Variants in RNASE4 observed in about 807,000 individuals in gnomAD.
RNASE4 encodes ribonuclease A family member 4, also known as ribonuclease 4.
For missense variants in RNASE4, 194 were observed against 192.8 expected (o/e 1.01, Z -0.04); for synonymous variants, 93 against 71.4 (o/e 1.30, Z -1.52).
chr14:20,690,653 T>C (rs184046218), intron 1 of RNASE4, among the ~76,000 whole-genome samples: 2 of 152,312 alleles, frequency 1.3e-5, no homozygotes, highest in Admixed American at 1.3e-4. Context: ...ACCTTTGCTA[T>C]TGAAACTAGC....
chr14:20,697,141 A>G, intron 1 of RNASE4, among the ~76,000 whole-genome samples: 1 of 152,248 alleles, frequency 6.6e-6, no homozygotes, highest in East Asian at 1.9e-4. Flanking sequence ...AGTAGTGCAG[A>G]AAAGCTGACG....
intron 1 of RNASE4, among the ~76,000 whole-genome samples, chr14:20,688,031 C>T (rs768084450): frequency 4.6e-5 from 7 of 152,188 alleles, no homozygotes; most frequent in Admixed American, 6.5e-5. Flanking sequence ...ACTGTTTTTA[C>T]GCAAGCAATG....
intron 1 of RNASE4, 129 bp from the exon 2 acceptor site, chr14:20,699,226 G>A (rs2139038095): frequency 1.4e-6 from 1 of 711,936 alleles, no homozygotes; most frequent in South Asian, 2.0e-5. Context: ...AGATGAGTGG[G>A]GAGATGGTGC....
chr14:20,692,933 C>T (rs1212442329), intron 1 of RNASE4, among the ~76,000 whole-genome samples: 1 of 152,194 alleles, frequency 6.6e-6, no homozygotes, highest in Non-Finnish European at 1.5e-5. Flanking sequence ...CTGCAAGCTC[C>T]GCCTCCCGGG....
At chr14:20,694,977 A>G (rs1887031406) in intron 1 of RNASE4, among the ~76,000 whole-genome samples, 1 of 152,212 alleles carries the variant, frequency 6.6e-6, no homozygotes, top group Non-Finnish European at 1.5e-5. Flanking sequence ...GTTTGAATGG[A>G]ATGCTCCCAG....
chr14:20,695,401 A>G (rs1475361311), intron 1 of RNASE4, among the ~76,000 whole-genome samples: 1 of 151,982 alleles, frequency 6.6e-6, no homozygotes, highest in East Asian at 1.9e-4. Context: ...TCTCAAAAAA[A>G]AAAAAAAAAG....
chr14:20,699,682 T>G lies in RNASE4; in HGVS notation c.311T>G (p.Val104Gly), dbSNP rs781625059. The G allele has an allele frequency of 9.3e-6, 15 of 1,610,342 alleles. No individual in the cohort carries two copies. Among genetic ancestry groups the G allele is most frequent in the Admixed American group, 5.0e-5 (3 of 59,990 alleles). ...NGKMNCHEGV[V>G]KVTDCRDTGS... The stretch of plus-strand genomic sequence containing the variant: ...AAGATGAACTGCCATGAGGGTGTAG[T>G]GAAGGTCACAGATTGCAGGGACACA... The change falls in exon 2 of 2, where the codon GTG becomes GGG. Residue 104 changes from valine (V) to glycine (G), a missense_variant. Coordinates refer to ENST00000555835, the MANE Select transcript of RNASE4 (RefSeq NM_002937.5).
rs1397659536 is a variant in RNASE4 at position 20,694,127 on chromosome 14, C to G, written c.-17-5228C>G. The stretch of plus-strand genomic sequence containing the variant: ...GGCCCAAAGAAAGAGCTACCTGGAC[C>G]TTTTGTTTTCTGTTTGACAACATGT... On this transcript the variant is annotated intron_variant, in intron 1 of 1. Transcript: ENST00000555835. 5 of 1,092,606 alleles carry G rather than the reference C, an allele frequency of 4.6e-6. No individual in the cohort carries two copies. The African/African-American group carries it at 7.8e-5, about 17-fold the overall frequency. 67.7% of individuals were successfully genotyped at this position (1,092,606 alleles called of 1,614,324 possible).
At chr14:20,694,626 C>T (rs1285310065) in intron 1 of RNASE4, among the ~76,000 whole-genome samples, 1 of 152,066 alleles carries the variant, frequency 6.6e-6, no homozygotes, top group Admixed American at 6.5e-5. Flanking sequence ...TCAGTTTTTA[C>T]AAGTCATTAG....
chr14:20,686,193 A>T (rs72659976), intron 1 of RNASE4, among the ~76,000 whole-genome samples: 5,462 of 152,002 alleles, frequency 0.036, 131 homozygotes, highest in Middle Eastern at 0.099. Context: ...GGCCCCTCCC[A>T]CTCTTGTTCT....
chr14:20,690,742 C>CA (rs1886702152), intron 1 of RNASE4, among the ~76,000 whole-genome samples: 1 of 152,090 alleles, frequency 6.6e-6, no homozygotes, highest in Non-Finnish European at 1.5e-5. Context: ...TCTTGATGAA[C>CA]AAACCTAGGC....
intron 1 of RNASE4, among the ~76,000 whole-genome samples, chr14:20,693,075 C>T (rs1054640687): frequency 6.6e-6 from 1 of 151,962 alleles, no homozygotes; most frequent in African/African-American, 2.4e-5. Context: ...TCTCGATCTC[C>T]TGACCTCGTG....
chr14:20,694,090 T>C, intron 1 of RNASE4: 5 of 1,500,086 alleles, frequency 3.3e-6, no homozygotes, highest in Non-Finnish European at 4.6e-6. Flanking sequence ...GGTGGCAACA[T>C]TCATTGCCAA....
chr14:20,688,190 G>A (rs911744411), intron 1 of RNASE4, among the ~76,000 whole-genome samples: 1 of 152,174 alleles, frequency 6.6e-6, no homozygotes, highest in Non-Finnish European at 1.5e-5. Flanking sequence ...CCTGCTTCTG[G>A]GGGTTAGAAG....
chr14:20,693,370 C>T, intron 1 of RNASE4: 1 of 768,520 alleles, frequency 1.3e-6, no homozygotes, highest in Non-Finnish European at 2.1e-6. Flanking sequence ...ATAGACGTTC[C>T]GCAGGAAGGG....
chr14:20,700,988 T>A lies in RNASE4; in HGVS notation c.*1173T>A, dbSNP rs1328024371. On this transcript the variant is annotated 3_prime_UTR_variant, in exon 2 of 2. Coordinates refer to ENST00000555835, the MANE Select transcript of RNASE4 (RefSeq NM_002937.5). Reference sequence around the variant, plus strand: ...TCCTGCCCCACCTTAACTGATCAATTAGCCTTGTGACATTCCTTCTCCTGG... The same window carrying A: ...TCCTGCCCCACCTTAACTGATCAATAAGCCTTGTGACATTCCTTCTCCTGG... The A allele has an allele frequency of 6.6e-6, 1 of 152,164 alleles. No individual in the cohort carries two copies. Among genetic ancestry groups the A allele is most frequent in the East Asian group, 1.9e-4 (1 of 5,198 alleles). 9.4% of individuals were successfully genotyped at this position (152,164 alleles called of 1,614,324 possible).
rs746611444 is a variant in RNASE4 at position 20,699,771 on chromosome 14, G to C, written c.400G>C (p.Ala134Pro). ...AIASTRRVVI[A>P]CEGNPQVPVH... is the part of the protein sequence containing the mutation. ...AGCGAGCACTAGACGTGTTGTCATT[G>C]CCTGTGAGGGTAACCCACAGGTGCC... Residue 134 changes from alanine (A) to proline (P), a missense_variant, in exon 2 of 2, where the codon GCC becomes CCC. Coordinates refer to ENST00000555835, the MANE Select transcript of RNASE4 (RefSeq NM_002937.5). 8 of 1,612,192 alleles carry C rather than the reference G, an allele frequency of 5.0e-6. No individual in the cohort carries two copies. In the South Asian group the frequency reaches 7.7e-5, roughly 15 times the overall value.
intron 1 of RNASE4, among the ~76,000 whole-genome samples, chr14:20,693,251 A>C (rs919332164): frequency 4.6e-5 from 7 of 152,256 alleles, no homozygotes; most frequent in African/African-American, 1.7e-4. Flanking sequence ...CATGAATTAA[A>C]GAGTGAGAGT....
At chr14:20,696,402 A>G (rs981101236) in intron 1 of RNASE4, among the ~76,000 whole-genome samples, 1 of 152,168 alleles carries the variant, frequency 6.6e-6, no homozygotes, top group Non-Finnish European at 1.5e-5. Flanking sequence ...AGGTCATTTT[A>G]TCCTGCGTGA....
Sources: allele counts gnomAD v4.1 joint callset (sites outside exome capture counted in the v4.1 genomes callset), GRCh38; gene constraint gnomAD v4.1.1; transcripts MANE v1.5; gene names NCBI Gene and HGNC (gene_info 2026-07-23, HGNC 2026-07-21).